LOC128462377: variants seen among roughly 807,000 people sequenced by gnomAD.
chr16:89,395,240 A>T, the LOC128462377 span, among the ~76,000 whole-genome samples: 1 of 152,246 alleles, frequency 6.6e-6, no homozygotes, highest in African/African-American at 2.4e-5. Flanking sequence ...CAAGCCAAGT[A>T]AACTGGCTGA....
chr16:89,370,837 G>T, the LOC128462377 span: 1 of 152,574 alleles, frequency 6.6e-6, no homozygotes, highest in Non-Finnish European at 1.5e-5. Flanking sequence ...GCCGGCTCCT[G>T]AGTGCTCAGT....
At chr16:89,365,639 C>A in the LOC128462377 span, among the ~76,000 whole-genome samples, 56 of 152,260 alleles carry the variant, frequency 3.7e-4, no homozygotes, top group African/African-American at 1.3e-3. Flanking sequence ...GAGCAGTAAG[C>A]CAAGTAGGGG....
chr16:89,337,426 A>C, the LOC128462377 span, among the ~76,000 whole-genome samples: 1 of 43,770 alleles, frequency 2.3e-5, no homozygotes, highest in Non-Finnish European at 4.7e-5. Flanking sequence ...GGTCTAAGCA[A>C]TTCTTTTTTT....
the LOC128462377 span, among the ~76,000 whole-genome samples, chr16:89,363,459 A>T: frequency 6.9e-6 from 1 of 144,704 alleles, no homozygotes; most frequent in African/African-American, 2.6e-5. Context: ...CATGTACCCT[A>T]AAAGTATAAT....
chr16:89,334,144 TA>T, the LOC128462377 span, among the ~76,000 whole-genome samples: 39 of 41,414 alleles, frequency 9.4e-4, no homozygotes, highest in East Asian at 5.3e-3. Context: ...CCCTGTGTTT[TA>T]AAAAAAAAAA....
the LOC128462377 span, among the ~76,000 whole-genome samples, chr16:89,395,261 A>G: frequency 6.6e-6 from 1 of 152,234 alleles, no homozygotes; most frequent in African/African-American, 2.4e-5. Flanking sequence ...GCCCCAGGGA[A>G]GGGCTGCGTA....
At chr16:89,341,989 C>CA in the LOC128462377 span, among the ~76,000 whole-genome samples, 58 of 85,598 alleles carry the variant, frequency 6.8e-4, no homozygotes, top group African/African-American at 2.1e-3. Context: ...GCACCTCCAC[C>CA]CACAGCGGCC....
the LOC128462377 span, chr16:89,325,205 C>G: frequency 1.3e-5 from 2 of 152,454 alleles, no homozygotes; most frequent in Non-Finnish European, 2.9e-5. Flanking sequence ...GAACACTACA[C>G]AGCAGAGGAG....
At chr16:89,393,312 T>A in the LOC128462377 span, among the ~76,000 whole-genome samples, 30 of 149,686 alleles carry the variant, frequency 2.0e-4, no homozygotes, top group African/African-American at 7.3e-4. Context: ...TTTTTTATTT[T>A]TATTTTTTTT....
the LOC128462377 span, among the ~76,000 whole-genome samples, chr16:89,358,657 G>C: frequency 1.3e-5 from 2 of 152,178 alleles, no homozygotes; most frequent in African/African-American, 4.8e-5. Flanking sequence ...TGTTTACCCA[G>C]GATGCTGCCT....
At chr16:89,401,107 C>T in the LOC128462377 span, among the ~76,000 whole-genome samples, 1 of 150,368 alleles carries the variant, frequency 6.7e-6, no homozygotes, top group Non-Finnish European at 1.5e-5. Flanking sequence ...CGCCCTCCCC[C>T]TCCCCAGAGG....
the LOC128462377 span, among the ~76,000 whole-genome samples, chr16:89,408,140 T>C: frequency 1.2e-4 from 19 of 152,214 alleles, no homozygotes; most frequent in African/African-American, 3.9e-4. Context: ...TCGAAGGACT[T>C]GCGCATGGCC....
chr16:89,329,462 T>C, the LOC128462377 span, among the ~76,000 whole-genome samples: 1 of 152,228 alleles, frequency 6.6e-6, no homozygotes, highest in South Asian at 2.1e-4. Flanking sequence ...GAATAGTCTA[T>C]ACTTTTAGGT....
At chr16:89,317,200 G>A in the LOC128462377 span, 1 of 764,382 alleles carries the variant, frequency 1.3e-6, no homozygotes, top group East Asian at 2.7e-5. Flanking sequence ...GATCAGGGCT[G>A]GGGCCCGGGC....
chr16:89,324,523 G>A, the LOC128462377 span: 1 of 456,068 alleles, frequency 2.2e-6, no homozygotes, highest in African/African-American at 2.0e-5. Flanking sequence ...GCTGCCAAAG[G>A]AGATTCACAT....
At chr16:89,410,439 G>A in the LOC128462377 span, among the ~76,000 whole-genome samples, 1 of 152,190 alleles carries the variant, frequency 6.6e-6, no homozygotes, top group African/African-American at 2.4e-5. Flanking sequence ...TGTTGGGAGT[G>A]ATGGTCTTAG....
chr16:89,336,080 G>C, the LOC128462377 span, among the ~76,000 whole-genome samples: 3 of 152,256 alleles, frequency 2.0e-5, no homozygotes, highest in Non-Finnish European at 2.9e-5. Flanking sequence ...GTTTGAAAAA[G>C]CTTTAACTGT....
chr16:89,388,660 C>A, the LOC128462377 span, among the ~76,000 whole-genome samples: 1 of 152,138 alleles, frequency 6.6e-6, no homozygotes, highest in Non-Finnish European at 1.5e-5. Flanking sequence ...AGGAGCCCTG[C>A]GATGAGCCGG....
the LOC128462377 span, among the ~76,000 whole-genome samples, chr16:89,389,938 G>T: frequency 9.9e-6 from 1 of 101,094 alleles, no homozygotes; most frequent in African/African-American, 4.2e-5. Flanking sequence ...GAGTGTGGCG[G>T]GGAGCACCGA....
Sources: allele counts gnomAD v4.1 joint callset (sites outside exome capture counted in the v4.1 genomes callset), GRCh38; gene constraint gnomAD v4.1.1; transcripts MANE v1.5.